FHIT: variants seen among roughly 807,000 people sequenced by gnomAD.
FHIT encodes the protein fragile histidine triad diadenosine triphosphatase.
FHIT carries 19 observed loss-of-function variants against 17.9 expected under a neutral mutation model. That is an observed-to-expected ratio of 1.06 (90% CI 0.74 to 1.56). The LOEUF (loss-of-function observed/expected upper bound fraction) is 1.56, where lower values mean the gene tolerates loss of function less well. Among genes scored for constraint, FHIT ranks in the 40% most tolerant of loss-of-function variants. The pLI, the probability that FHIT is intolerant of heterozygous loss-of-function variation, is 0.00. For missense variants in FHIT, 248 were observed against 189.2 expected (o/e 1.31, Z -1.82); for synonymous variants, 81 against 69.7 (o/e 1.16, Z -0.81).
intron 3 of FHIT, among the ~76,000 whole-genome samples, chr3:60,877,469 T>C (rs1388548062): frequency 1.3e-5 from 2 of 152,182 alleles, no homozygotes; most frequent in African/African-American, 4.8e-5. Context: ...AACAGCTCCA[T>C]CTGCTTCTCT....
chr3:61,088,708 T>C (rs1317765082), intron 2 of FHIT, among the ~76,000 whole-genome samples: 4 of 152,114 alleles, frequency 2.6e-5, no homozygotes, highest in Admixed American at 6.6e-5. Context: ...GGGACTACTA[T>C]CTTTGATTTC....
intron 5 of FHIT, among the ~76,000 whole-genome samples, chr3:60,320,779 G>A (rs539925189): frequency 3.2e-4 from 49 of 152,096 alleles, no homozygotes; most frequent in African/African-American, 1.2e-3. Context: ...TTACAATTAG[G>A]GAGATATAAA....
At chr3:60,429,925 C>A (rs1702812703) in intron 5 of FHIT, among the ~76,000 whole-genome samples, 2 of 151,978 alleles carry the variant, frequency 1.3e-5, no homozygotes, top group Admixed American at 1.3e-4. Flanking sequence ...ACCTCCCTGC[C>A]TTCACTGTTG....
intron 3 of FHIT, among the ~76,000 whole-genome samples, chr3:60,856,227 G>A (rs993417134): frequency 5.3e-5 from 8 of 151,980 alleles, no homozygotes; most frequent in South Asian, 2.1e-4. Context: ...CCTGACATAC[G>A]TCTTCAAAAT....
chr3:60,730,871 C>T (rs987062074), intron 4 of FHIT, among the ~76,000 whole-genome samples: 15 of 151,576 alleles, frequency 9.9e-5, no homozygotes, highest in African/African-American at 3.6e-4. Context: ...AATCCTAGCA[C>T]TTTGGGAGGC....
intron 2 of FHIT, among the ~76,000 whole-genome samples, chr3:61,067,572 T>C (rs1007820408): frequency 1.3e-5 from 2 of 152,136 alleles, no homozygotes; most frequent in Non-Finnish European, 2.9e-5. Context: ...ATGACCTTAA[T>C]TACCCAGTCT....
At chr3:61,095,690 C>G (rs1445025063) in intron 2 of FHIT, among the ~76,000 whole-genome samples, 1 of 152,054 alleles carries the variant, frequency 6.6e-6, no homozygotes, top group Non-Finnish European at 1.5e-5. Flanking sequence ...CTCATTCTAA[C>G]CTATCCCCAC....
intron 8 of FHIT, among the ~76,000 whole-genome samples, chr3:59,763,527 CA>C (rs1367827265): frequency 6.6e-6 from 1 of 152,194 alleles, no homozygotes; most frequent in African/African-American, 2.4e-5. Context: ...TTCAATTATT[CA>C]ACAAATATGA....
At chr3:60,368,119 T>G (rs1449057835) in intron 5 of FHIT, among the ~76,000 whole-genome samples, 1 of 151,886 alleles carries the variant, frequency 6.6e-6, no homozygotes, top group Admixed American at 6.6e-5. Flanking sequence ...TAGCAAAACT[T>G]CTGTGGATAC....
chr3:60,432,046 G>A (rs1026708306), intron 5 of FHIT, among the ~76,000 whole-genome samples: 4 of 152,026 alleles, frequency 2.6e-5, no homozygotes, highest in African/African-American at 9.7e-5. Context: ...CGCAATCTTG[G>A]CTCACTGCAA....
At chr3:60,138,383 T>C (rs1699903119) in intron 5 of FHIT, among the ~76,000 whole-genome samples, 1 of 152,126 alleles carries the variant, frequency 6.6e-6, no homozygotes, top group Admixed American at 6.6e-5. Context: ...CAAAAGTAAA[T>C]ACACATTGTC....
At chr3:60,851,691 C>A (rs1192523419) in intron 3 of FHIT, among the ~76,000 whole-genome samples, 3 of 152,094 alleles carry the variant, frequency 2.0e-5, no homozygotes, top group African/African-American at 7.2e-5. Context: ...CCCCACAGAA[C>A]TTTATCATGT....
At chr3:59,965,800 T>C (rs1707899261) in intron 7 of FHIT, among the ~76,000 whole-genome samples, 1 of 152,170 alleles carries the variant, frequency 6.6e-6, no homozygotes, top group African/African-American at 2.4e-5. Flanking sequence ...TTAAAATCCT[T>C]TTATCAACAA....
chr3:60,823,936 G>A (rs961128212), intron 3 of FHIT, among the ~76,000 whole-genome samples: 1 of 152,176 alleles, frequency 6.6e-6, no homozygotes, highest in Non-Finnish European at 1.5e-5. Context: ...ATGTTTGTAT[G>A]TTAGAACAGC....
chr3:60,056,694 A>G (rs768667291), intron 5 of FHIT, among the ~76,000 whole-genome samples: 10 of 152,240 alleles, frequency 6.6e-5, no homozygotes, highest in South Asian at 4.1e-4. Context: ...GCATTTCTCA[A>G]AAGACTTTTT....
At chr3:60,618,100 G>A (rs2039007373) in intron 4 of FHIT, 2 of 156,258 alleles carry the variant, frequency 1.3e-5, no homozygotes, top group African/African-American at 2.4e-5. Context: ...GGGAATTTTT[G>A]AAAGCCAGTC....
intron 5 of FHIT, among the ~76,000 whole-genome samples, chr3:60,155,526 C>T (rs1444562926): frequency 6.6e-6 from 1 of 152,126 alleles, no homozygotes; most frequent in African/African-American, 2.4e-5. Context: ...GCAGAACTGC[C>T]CATCTCTCAT....
chr3:60,193,794 G>A (rs1702506000), intron 5 of FHIT, among the ~76,000 whole-genome samples: 1 of 152,122 alleles, frequency 6.6e-6, no homozygotes, highest in African/African-American at 2.4e-5. Context: ...TCAGGGGCCA[G>A]TAATGAGAAC....
chr3:59,816,215 A>G (rs1053485415), intron 8 of FHIT, among the ~76,000 whole-genome samples: 1 of 152,216 alleles, frequency 6.6e-6, no homozygotes, highest in Non-Finnish European at 1.5e-5. Context: ...AAATGGGGAC[A>G]GTGATCCTTG....
Sources: allele counts gnomAD v4.1 joint callset (sites outside exome capture counted in the v4.1 genomes callset), GRCh38; gene constraint gnomAD v4.1.1; transcripts MANE v1.5; gene names NCBI Gene and HGNC (gene_info 2026-07-23, HGNC 2026-07-21).